GAS7: variants seen among roughly 807,000 people sequenced by gnomAD.
GAS7 encodes growth arrest specific 7.
GAS7 carries 28 observed loss-of-function variants against 71.1 expected under a neutral mutation model. That is an observed-to-expected ratio of 0.39 (90% CI 0.29 to 0.54). GAS7 has a LOEUF of 0.54. Ranked by LOEUF, GAS7 falls within the 20% of genes least tolerant of loss-of-function variation. The pLI is 0.62. For synonymous variants in GAS7, 258 were observed against 245.8 expected (o/e 1.05, Z -0.46); for missense variants, 436 against 627.8 (o/e 0.69, Z 3.27).
intron 2 of GAS7, among the ~76,000 whole-genome samples, chr17:9,990,206 T>C (rs2152141396): frequency 6.6e-6 from 1 of 152,210 alleles, no homozygotes; most frequent in African/African-American, 2.4e-5. Context: ...GAGGCAGAGC[T>C]TGCAGTGAGC....
chr17:10,110,186 T>C (rs1488177804), intron 1 of GAS7, among the ~76,000 whole-genome samples: 1 of 151,880 alleles, frequency 6.6e-6, no homozygotes, highest in Non-Finnish European at 1.5e-5. Flanking sequence ...AAAAATGCGG[T>C]ATATATACAC....
intron 1 of GAS7, among the ~76,000 whole-genome samples, chr17:10,168,547 T>G (rs2074311755): frequency 1.3e-5 from 2 of 152,232 alleles, no homozygotes; most frequent in African/African-American, 4.8e-5. Flanking sequence ...TGTGGACCGC[T>G]GGAGAGCCAC....
intron 8 of GAS7, among the ~76,000 whole-genome samples, chr17:9,939,404 C>T (rs376103887): frequency 3.9e-5 from 6 of 152,234 alleles, no homozygotes; most frequent in African/African-American, 1.4e-4. Context: ...TGCCTCAAGC[C>T]CACAGGAGAG....
At chr17:10,002,249 T>C (rs2071296679) in intron 2 of GAS7, among the ~76,000 whole-genome samples, 1 of 152,206 alleles carries the variant, frequency 6.6e-6, no homozygotes, top group African/African-American at 2.4e-5. Flanking sequence ...TCCTAGCTTG[T>C]GGTGGCCTTG....
chr17:10,066,168 G>A (rs1399496440), intron 1 of GAS7, among the ~76,000 whole-genome samples: 2 of 152,188 alleles, frequency 1.3e-5, no homozygotes, highest in South Asian at 2.1e-4. Flanking sequence ...AGTAGGGACT[G>A]AAGAAGCACA....
intron 1 of GAS7, among the ~76,000 whole-genome samples, chr17:10,157,703 T>G (rs2074215624): frequency 6.6e-6 from 1 of 152,188 alleles, no homozygotes; most frequent in Non-Finnish European, 1.5e-5. Context: ...GAATATACCC[T>G]TGGTCCTCCC....
intron 1 of GAS7, among the ~76,000 whole-genome samples, chr17:10,143,787 A>G (rs1320021038): frequency 1.1e-4 from 17 of 152,210 alleles, no homozygotes; most frequent in Admixed American, 1.1e-3. Context: ...AATTGCAAGA[A>G]AACAGATTCT....
intron 2 of GAS7, among the ~76,000 whole-genome samples, chr17:10,012,991 T>C (rs762276254): frequency 5.3e-5 from 8 of 151,210 alleles, no homozygotes; most frequent in Non-Finnish European, 1.0e-4. Flanking sequence ...TAGTTCCAGC[T>C]ACTCGGGAGG....
chr17:10,009,253 G>A (rs374416469), intron 2 of GAS7, among the ~76,000 whole-genome samples: 1 of 147,478 alleles, frequency 6.8e-6, no homozygotes, highest in South Asian at 2.2e-4. Flanking sequence ...CCCGGGAGGC[G>A]GAGCTTGCAG....
chr17:10,038,955 A>C (rs762338591), intron 1 of GAS7, among the ~76,000 whole-genome samples: 1 of 152,268 alleles, frequency 6.6e-6, no homozygotes, highest in Non-Finnish European at 1.5e-5. Context: ...AGGGACAAAT[A>C]CCATTTGCTT....
intron 1 of GAS7, among the ~76,000 whole-genome samples, chr17:10,146,560 CT>C (rs2074122562): frequency 6.6e-6 from 1 of 152,166 alleles, no homozygotes; most frequent in African/African-American, 2.4e-5. Flanking sequence ...ACCAGCAGCT[CT>C]GGGAGGAGGC....
chr17:9,923,187 G>A (rs865912607), intron 11 of GAS7, among the ~76,000 whole-genome samples: 1 of 151,928 alleles, frequency 6.6e-6, no homozygotes, highest in Non-Finnish European at 1.5e-5. Context: ...GATTACAGGC[G>A]TGAGCCACCA....
intron 1 of GAS7, among the ~76,000 whole-genome samples, chr17:10,073,292 C>T (rs2073359897): frequency 6.6e-6 from 1 of 152,222 alleles, no homozygotes; most frequent in Non-Finnish European, 1.5e-5. Context: ...CCCAGGGGCT[C>T]TGACACAGCT....
rs1240305134 is a variant in GAS7, at chr17:9,974,947, C to A, written c.386-5185G>T. 6.6e-6 allele frequency among the ~76,000 whole-genome samples: 1 copy of A among 152,152 alleles called. No individual in the cohort carries two copies. The highest frequency in any genetic ancestry group is 2.4e-5 in the African/African-American group (1 of 41,414). On this transcript the variant is annotated intron_variant, in intron 3 of 13. Coordinates refer to ENST00000432992, the MANE Select transcript of GAS7 (RefSeq NM_201433.2). This position sits in a 1 kb window ranked among gnomAD's most constrained non-coding sequence, Gnocchi z 4.0. ...CTCCAGGTTCCTGTTCCCTGAGGAA[C>A]CCAAAAGAACATAAGAAAATCAGCC...
chr17:9,996,219 C>T (rs1042111188), intron 2 of GAS7, among the ~76,000 whole-genome samples: 8 of 152,170 alleles, frequency 5.3e-5, no homozygotes. Context: ...GGCACATATA[C>T]ACCATGGAAT....
chr17:10,063,144 C>T (rs1038795000), intron 1 of GAS7, among the ~76,000 whole-genome samples: 6 of 152,232 alleles, frequency 3.9e-5, no homozygotes, highest in Non-Finnish European at 5.9e-5. Flanking sequence ...ATGGGGTTTC[C>T]CCTAGAGGAA....
At chr17:10,054,927 T>C (rs148671716) in intron 1 of GAS7, among the ~76,000 whole-genome samples, 1 of 152,242 alleles carries the variant, frequency 6.6e-6, no homozygotes, top group African/African-American at 2.4e-5. Flanking sequence ...GGAAAGCCTG[T>C]CCTACTCAGT....
At chr17:10,047,372 G>C (rs1047551672) in intron 1 of GAS7, among the ~76,000 whole-genome samples, 2 of 152,176 alleles carry the variant, frequency 1.3e-5, no homozygotes, top group Non-Finnish European at 2.9e-5. Flanking sequence ...TGAGAGATGG[G>C]TGCACCATCG....
chr17:10,068,308 T>C (rs528554791), intron 1 of GAS7, among the ~76,000 whole-genome samples: 36 of 152,162 alleles, frequency 2.4e-4, no homozygotes, highest in African/African-American at 7.9e-4. Flanking sequence ...CCCTGACCCA[T>C]TGAACCAGGA....
Sources: allele counts gnomAD v4.1 joint callset (sites outside exome capture counted in the v4.1 genomes callset), GRCh38; gene constraint gnomAD v4.1.1; non-coding constraint Gnocchi (gnomAD v3.1); transcripts MANE v1.5; gene names NCBI Gene and HGNC (gene_info 2026-07-23, HGNC 2026-07-21).